PPP1R9A: variants seen among roughly 807,000 people sequenced by gnomAD.
The protein encoded by PPP1R9A is neurabin-1.
A neutral mutation model predicts 141.9 loss-of-function variants in PPP1R9A; 59 were observed. The observed-to-expected ratio is 0.42, with a 90% CI of 0.34 to 0.52. The LOEUF is 0.52. Ranked by LOEUF, PPP1R9A falls within the 20% of genes least tolerant of loss-of-function variation. The probability of loss-of-function intolerance (pLI) is 0.10; values close to 1 mark genes in which losing one functional copy is unlikely to be tolerated. For synonymous variants in PPP1R9A, 500 were observed against 569.7 expected, an observed-to-expected ratio of 0.88 and a Z score of 1.74; for missense variants, 1,444 against 1,611.9, an observed-to-expected ratio of 0.90 and a Z score of 1.78.
intron 2 of PPP1R9A, among the ~76,000 whole-genome samples, chr7:95,080,787 C>T (rs1176267193): frequency 6.6e-6 from 1 of 152,108 alleles, no homozygotes; most frequent in Non-Finnish European, 1.5e-5. Flanking sequence ...TTCTGGTCTC[C>T]TACAGTCATA....
chr7:95,164,023 C>A lies in PPP1R9A; in HGVS notation c.1754+2052C>A, dbSNP rs540486065. 2.0e-5 allele frequency among the ~76,000 whole-genome samples: 3 copies of A among 152,298 alleles called. No homozygotes were observed. The South Asian group carries it at 6.2e-4, about 32-fold the overall frequency. On this transcript the variant is annotated intron_variant, in intron 5 of 19. Coordinates refer to ENST00000433360, the MANE Select transcript of PPP1R9A (RefSeq NM_001166160.2). ...AAAGTGCTAGGATCACAGGTGTGAG[C>A]CACTGCGCCTGGCCCCATGTGCAGG...
chr7:95,066,671 A>G (rs1463126925), intron 2 of PPP1R9A, among the ~76,000 whole-genome samples: 1 of 152,196 alleles, frequency 6.6e-6, no homozygotes, highest in East Asian at 1.9e-4. Context: ...AAGTAGAAAT[A>G]GTAGATATGG....
In PPP1R9A at chr7:95,120,831, A is replaced by C. The variant is rs757590281; in HGVS notation, c.1648A>C (p.Arg550=). ...AGGTGGTGCTGCTCAACGGGATGGC[A>C]GGTAAATTAAGGACTGTTGTTAATA... The part of the protein sequence containing the change: ...TEGGAAQRDG[R]IQVNDQIVEV... Residue 550 remains arginine (R), a splice_region_variant and synonymous_variant, in exon 4 of 20, where the codon AGA becomes CGA. Coordinates refer to ENST00000433360, the MANE Select transcript of PPP1R9A (RefSeq NM_001166160.2). The C allele has an allele frequency of 6.2e-7, 1 of 1,613,042 alleles. No individual in the cohort carries two copies. Among genetic ancestry groups the C allele is most frequent in the Non-Finnish European group, 8.5e-7 (1 of 1,179,570 alleles).
At chr7:95,198,269 A>T (rs1428290031) in intron 5 of PPP1R9A, 80 bp from the exon 6 acceptor site, 2 of 1,349,350 alleles carry the variant, frequency 1.5e-6, no homozygotes, top group Non-Finnish European at 2.0e-6. Context: ...GACCCTGCTG[A>T]GATCAAACCT....
intron 8 of PPP1R9A, among the ~76,000 whole-genome samples, chr7:95,230,094 C>T (rs1795710165): frequency 6.6e-6 from 1 of 152,080 alleles, no homozygotes; most frequent in African/African-American, 2.4e-5. Flanking sequence ...CTCAGGAAAC[C>T]CCATTCCTAG....
chr7:95,225,849 C>A, intron 7 of PPP1R9A, 112 bp from the exon 8 acceptor site: 2 of 1,154,914 alleles, frequency 1.7e-6, no homozygotes, highest in Non-Finnish European at 2.4e-6. Context: ...AACCTACTTA[C>A]ACTTTTACCA....
In PPP1R9A at chr7:95,188,251, T is replaced by C. The variant is rs974990315; in HGVS notation, c.1755-10098T>C. 2.0e-5 allele frequency among the ~76,000 whole-genome samples: 3 copies of C among 152,236 alleles called. No individual in the cohort carries two copies. In the South Asian group the frequency reaches 6.2e-4, roughly 32 times the overall value. On this transcript the variant is annotated intron_variant, in intron 5 of 19. Coordinates refer to ENST00000433360, the MANE Select transcript of PPP1R9A (RefSeq NM_001166160.2). ...TTGTATGATTTCCCTCTTTGTCTTT[T>C]TTAACTGTTGTTGCTTTAAAGTCTG...
chr7:95,257,879 G>T (rs1462696249), intron 12 of PPP1R9A, among the ~76,000 whole-genome samples: 2 of 152,084 alleles, frequency 1.3e-5, no homozygotes, highest in Admixed American at 6.6e-5. Context: ...GTATTCCCTG[G>T]TGTATATGTG....
At chr7:95,244,197 G>A (rs776814956) in intron 8 of PPP1R9A, among the ~76,000 whole-genome samples, 1 of 152,250 alleles carries the variant, frequency 6.6e-6, no homozygotes, top group East Asian at 1.9e-4. Flanking sequence ...ACTTTGCGCA[G>A]TTGTTCTCAC....
chr7:95,203,686 G>A lies in PPP1R9A; in HGVS notation c.1912G>A (p.Gly638Arg). The A allele has an allele frequency of 3.3e-6, 5 of 1,536,464 alleles. No individual in the cohort carries two copies. The highest frequency in any genetic ancestry group is 1.2e-5 in the South Asian group (1 of 83,940). ...DDENTVAELQ[G>R]MSGNCNNNNN... is the part of the protein sequence containing the mutation. ...TTAGAACACTGTGGCTGAATTGCAA[G>A]GAATGTCTGGCAACTGCAATAACAA... The change falls in exon 7 of 20, where the codon GGA (glycine) becomes AGA (arginine). Residue 638 changes from glycine to arginine, a missense_variant. Physicochemically the swap from Gly to Arg is moderately radical, Grantham distance 125. This residue lies in a region of PPP1R9A where 488 missense variants were observed against 542.0 expected (regional missense o/e 0.90). Transcript: ENST00000433360.
chr7:95,028,534 A>C (rs1440877881), intron 2 of PPP1R9A, among the ~76,000 whole-genome samples: 1 of 152,198 alleles, frequency 6.6e-6, no homozygotes, highest in Admixed American at 6.5e-5. Context: ...AATCTAGGTA[A>C]GTTTTATTAG....
At chr7:94,974,752 A>G (rs1313687891) in intron 2 of PPP1R9A, among the ~76,000 whole-genome samples, 1 of 152,208 alleles carries the variant, frequency 6.6e-6, no homozygotes, top group Non-Finnish European at 1.5e-5. Context: ...CAGCATTTTC[A>G]ATCACTAAAG....
chr7:95,167,017 T>G (rs1301388081), intron 5 of PPP1R9A, among the ~76,000 whole-genome samples: 1 of 152,130 alleles, frequency 6.6e-6, no homozygotes, highest in Non-Finnish European at 1.5e-5. Flanking sequence ...AAAACCTGTA[T>G]TAGTCCATTT....
chr7:94,959,603 C>A (rs868457848), intron 2 of PPP1R9A, among the ~76,000 whole-genome samples: 10 of 151,608 alleles, frequency 6.6e-5, no homozygotes, highest in African/African-American at 2.2e-4. Flanking sequence ...ATTAAACTTA[C>A]AAATATAGTG....
chr7:95,286,336 G>C lies in PPP1R9A; in HGVS notation c.3729+11G>C. 1.1e-5 allele frequency: 17 copies of C among 1,612,142 alleles called. No individual in the cohort carries two copies. The highest frequency in any genetic ancestry group is 1.4e-5 in the Non-Finnish European group (16 of 1,178,970). On this transcript the variant is annotated intron_variant, in intron 18 of 19. Transcript: ENST00000433360. Reference sequence around the variant, plus strand: ...CTGTCATCAGATGAGGTAATTCCATGGCACTATGACAGAGCTGCTTTGTCA... The same window carrying C: ...CTGTCATCAGATGAGGTAATTCCATCGCACTATGACAGAGCTGCTTTGTCA...
At chr7:95,276,211 G>A (rs926366016) in intron 16 of PPP1R9A, among the ~76,000 whole-genome samples, 1 of 152,130 alleles carries the variant, frequency 6.6e-6, no homozygotes, top group African/African-American at 2.4e-5. Context: ...CATCTTTGAG[G>A]CACCACCTGA....
At chr7:95,012,229 A>C (rs969476946) in intron 2 of PPP1R9A, among the ~76,000 whole-genome samples, 1 of 152,006 alleles carries the variant, frequency 6.6e-6, no homozygotes, top group Non-Finnish European at 1.5e-5. Flanking sequence ...TTCTGGGGAG[A>C]CCTCAGGAAA....
Position 95,252,072 on chromosome 7 carries a change from G to A in PPP1R9A, c.2607G>A (p.Gly869=), listed in dbSNP as rs368419334. 13 of 1,610,522 alleles carry A rather than the reference G, an allele frequency of 8.1e-6. No homozygotes were observed. Among genetic ancestry groups the A allele is most frequent in the Non-Finnish European group, 9.3e-6 (11 of 1,178,880 alleles). Residue 869 remains glycine (G), a synonymous_variant, in exon 12 of 20, where the codon GGG becomes GGA. Transcript: ENST00000433360. ...CATCTCTTGGTGAAGTCTCTAAAGG[G>A]GATACCATGGAGAACTTGGATGGCA... is the stretch of plus-strand genomic sequence containing the variant. The part of the protein sequence containing the change: ...RRTSLGEVSK[G]DTMENLDGKQ...
intron 5 of PPP1R9A, among the ~76,000 whole-genome samples, chr7:95,177,765 A>T (rs767173517): frequency 6.6e-5 from 10 of 152,158 alleles, no homozygotes; most frequent in Non-Finnish European, 1.5e-4. Flanking sequence ...CAGCAATTAA[A>T]AAAAAGACAA....
Sources: allele counts gnomAD v4.1 joint callset (sites outside exome capture counted in the v4.1 genomes callset), GRCh38; gene constraint gnomAD v4.1.1; regional missense constraint gnomAD v4.1.1; transcripts MANE v1.5; gene names NCBI Gene and HGNC (gene_info 2026-07-23, HGNC 2026-07-21).